The following PTPMT1 variants were observed in gnomAD, a reference collection of about 807,000 sequenced individuals.
The protein encoded by PTPMT1 is phosphatidylglycerophosphatase and protein-tyrosine phosphatase 1.
A neutral mutation model predicts 17.8 loss-of-function variants in PTPMT1; 12 were observed. That is an observed-to-expected ratio of 0.67 (90% CI 0.43 to 1.09). PTPMT1 has a LOEUF of 1.09. Among genes scored for constraint, PTPMT1 ranks in the 50% least tolerant of loss-of-function variants. PTPMT1 has a pLI of 0.00. For synonymous variants in PTPMT1, 132 were observed against 116.8 expected, an observed-to-expected ratio of 1.13 and a Z score of -0.84; for missense variants, 262 against 266.0, an observed-to-expected ratio of 0.99 and a Z score of 0.10.
At position 47,565,740 on chromosome 11, in the gene PTPMT1, C is replaced by T. The variant is rs780166644; in HGVS notation, c.118C>T (p.Arg40Cys). ...TCGGGCGCACCGGGACTGGTACCAC[C>T]GCATCGACCCCACCGTGCTGCTGGG... is the stretch of plus-strand genomic sequence containing the variant. Reference protein sequence around the residue: ...PGRAHRDWYHRIDPTVLLGAL... With the variant: ...PGRAHRDWYHCIDPTVLLGAL... Residue 40 changes from arginine to cysteine, a missense_variant, in exon 1 of 4, where the codon CGC becomes TGC. By Grantham distance (180) the Arg-to-Cys change is radical. Coordinates refer to ENST00000326674, the MANE Select transcript of PTPMT1 (RefSeq NM_175732.3). 1.3e-6 allele frequency: 2 copies of T among 1,592,158 alleles called. No individual in the cohort carries two copies. Among genetic ancestry groups the T allele is most frequent in the Non-Finnish European group, 1.7e-6 (2 of 1,171,302 alleles).
Position 47,569,860 on chromosome 11 carries a change from G to A in PTPMT1, c.416G>A (p.Ser139Asn). 5 of 1,613,546 alleles carry A rather than the reference G, an allele frequency of 3.1e-6. No individual in the cohort carries two copies. Among genetic ancestry groups the A allele is most frequent in the Non-Finnish European group, 4.2e-6 (5 of 1,179,984 alleles). Residue 139 changes from serine (S) to asparagine (N), a missense_variant, in exon 3 of 4, where the codon AGT becomes AAT. Transcript: ENST00000326674. ...CATTGTAAGGCTGGGCGCTCCAGGAGTGCCACTATGGTGGCAGCATACCTG... is the reference window on the plus strand; with the variant it reads ...CATTGTAAGGCTGGGCGCTCCAGGAATGCCACTATGGTGGCAGCATACCTG... ...YVHCKAGRSR[S>N]ATMVAAYLIQ... is the part of the protein sequence containing the mutation.
rs552501895 is a variant in PTPMT1 at position 47,565,792 on chromosome 11, G to T, written c.170G>T (p.Arg57Leu). Residue 57 changes from arginine to leucine, a missense_variant, in exon 1 of 4, where the codon CGC (arginine) becomes CTC (leucine). Coordinates refer to ENST00000326674, the MANE Select transcript of PTPMT1 (RefSeq NM_175732.3). ...GCGCTGCCGTTGCGGAGCTTGACGCGCCAGGTGAGCCGGGCCGGGGAGCCC... is the reference window on the plus strand; with the variant it reads ...GCGCTGCCGTTGCGGAGCTTGACGCTCCAGGTGAGCCGGGCCGGGGAGCCC... ...LGALPLRSLT[R>L]QLVQDENVRG... 2.5e-6 allele frequency: 4 copies of T among 1,588,756 alleles called. No homozygotes were observed. Among genetic ancestry groups the T allele is most frequent in the East Asian group, 2.3e-5 (1 of 43,130 alleles).
intron 3 of PTPMT1, among the ~76,000 whole-genome samples, chr11:47,570,972 G>GT (rs2097249304): frequency 6.6e-6 from 1 of 152,186 alleles, no homozygotes; most frequent in Non-Finnish European, 1.5e-5. Context: ...TTAGAAATCT[G>GT]TATTTTCTTG....
intron 2 of PTPMT1, 21 bp from the exon 3 acceptor site, chr11:47,569,679 T>C (rs2097248470): frequency 1.3e-6 from 2 of 1,567,730 alleles, no homozygotes; most frequent in African/African-American, 1.4e-5. Context: ...CTCTTTTTCA[T>C]ACTGGTGGAC....
chr11:47,573,293 T>C lies in PTPMT1; in HGVS notation c.*1664T>C, dbSNP rs143123317. On this transcript the variant is annotated 3_prime_UTR_variant, in exon 4 of 4. Coordinates refer to ENST00000326674, the MANE Select transcript of PTPMT1 (RefSeq NM_175732.3). This position sits in a 1 kb window ranked among gnomAD's most constrained non-coding sequence, Gnocchi z 4.1. ...TCTCTGTGTCAAAGCACTGGATGAG[T>C]CGGGAAGGTTTGGTAAAGAAGTCCA... 11 of 1,613,854 alleles carry C rather than the reference T, an allele frequency of 6.8e-6. No homozygotes were observed. The highest frequency in any genetic ancestry group is 9.3e-6 in the Non-Finnish European group (11 of 1,179,982).
chr11:47,571,498 G>C lies in PTPMT1; in HGVS notation c.475G>C (p.Val159Leu). 1 of 1,614,026 alleles carries C rather than the reference G, an allele frequency of 6.2e-7. No homozygotes were observed. The highest frequency in any genetic ancestry group is 8.5e-7 in the Non-Finnish European group (1 of 1,180,004). Residue 159 changes from valine to leucine, a missense_variant, in exon 4 of 4, where the codon GTA becomes CTA. Coordinates refer to ENST00000326674, the MANE Select transcript of PTPMT1 (RefSeq NM_175732.3). Reference sequence around the variant, plus strand: ...GCACAAATGGAGTCCAGAGGAGGCTGTAAGAGCCATCGCCAAGATCCGGTC... The same window carrying C: ...GCACAAATGGAGTCCAGAGGAGGCTCTAAGAGCCATCGCCAAGATCCGGTC... ...QVHKWSPEEA[V>L]RAIAKIRSYI...
chr11:47,567,731 TG>T (rs1196300652), intron 2 of PTPMT1, among the ~76,000 whole-genome samples: 1 of 150,840 alleles, frequency 6.6e-6, no homozygotes, highest in Non-Finnish European at 1.5e-5. Flanking sequence ...GGCTAATTTT[TG>T]TATTTTTTAT....
chr11:47,569,882 C>T lies in PTPMT1; in HGVS notation c.438C>T (p.Tyr146=). Residue 146 remains tyrosine (Y), a synonymous_variant, in exon 3 of 4, where the codon TAC becomes TAT. Coordinates refer to ENST00000326674, the MANE Select transcript of PTPMT1 (RefSeq NM_175732.3). ...RSRSATMVAA[Y]LIQVHKWSPE... ...GGAGTGCCACTATGGTGGCAGCATA[C>T]CTGATTCAGGTACCAAAGTTCTTTC... The T allele has an allele frequency of 6.2e-7, 1 of 1,611,770 alleles. No homozygotes were observed. The highest frequency in any genetic ancestry group is 8.5e-7 in the Non-Finnish European group (1 of 1,179,136).
At chr11:47,567,241 A>C (rs1028553116) in intron 2 of PTPMT1, among the ~76,000 whole-genome samples, 1 of 151,856 alleles carries the variant, frequency 6.6e-6, no homozygotes, top group Non-Finnish European at 1.5e-5. Flanking sequence ...GTCTGTACTA[A>C]AATCACACAA....
intron 2 of PTPMT1, among the ~76,000 whole-genome samples, chr11:47,568,955 T>C (rs2097247940): frequency 1.3e-5 from 2 of 150,976 alleles, no homozygotes; most frequent in South Asian, 4.2e-4. Flanking sequence ...CCTTGCAAAC[T>C]GTTGGGATTA....
At chr11:47,567,527 C>T (rs1742701344) in intron 2 of PTPMT1, among the ~76,000 whole-genome samples, 2 of 151,266 alleles carry the variant, frequency 1.3e-5, no homozygotes, top group Admixed American at 1.3e-4. Flanking sequence ...AAAGTTTGCC[C>T]AGTTGCCAGA....
rs1194844831 is a variant in PTPMT1, at chr11:47,572,928, C to G, written c.*1299C>G. Reference sequence around the variant, plus strand: ...AGCAGTTCTCCTCCCCTCCCCACAGCCTTAGGCCAACACAAACTGCAAATT... The same window carrying G: ...AGCAGTTCTCCTCCCCTCCCCACAGGCTTAGGCCAACACAAACTGCAAATT... On this transcript the variant is annotated 3_prime_UTR_variant, in exon 4 of 4. Transcript: ENST00000326674. The G allele has an allele frequency of 1.9e-6, 3 of 1,610,992 alleles. No homozygotes were observed. Among genetic ancestry groups the G allele is most frequent in the East Asian group, 2.2e-5 (1 of 44,866 alleles).
intron 2 of PTPMT1, among the ~76,000 whole-genome samples, chr11:47,568,841 C>T (rs2097247855): frequency 6.6e-6 from 1 of 152,044 alleles, no homozygotes; most frequent in African/African-American, 2.4e-5. Context: ...CAGGCATCCA[C>T]CACCACGCAT....
At chr11:47,570,317 G>T (rs1206394638) in intron 3 of PTPMT1, among the ~76,000 whole-genome samples, 4 of 152,174 alleles carry the variant, frequency 2.6e-5, no homozygotes, top group Non-Finnish European at 5.9e-5. Context: ...GTTGGGAGGT[G>T]GTTTGGTATG....
Position 47,565,805 on chromosome 11 carries a change from G to A in PTPMT1, c.174+9G>A. ...GGAGCTTGACGCGCCAGGTGAGCCG[G>A]GCCGGGGAGCCCGGGCCCCTGCCCC... On this transcript the variant is annotated intron_variant, in intron 1 of 3. Transcript: ENST00000326674. The A allele has an allele frequency of 1.3e-6, 2 of 1,586,946 alleles. No individual in the cohort carries two copies. Among genetic ancestry groups the A allele is most frequent in the Non-Finnish European group, 1.7e-6 (2 of 1,167,768 alleles).
chr11:47,568,216 G>C (rs962700804), intron 2 of PTPMT1, among the ~76,000 whole-genome samples: 3 of 152,050 alleles, frequency 2.0e-5, no homozygotes, highest in Admixed American at 6.6e-5. Flanking sequence ...CACCATGCCC[G>C]GCCCATTGTT....
At position 47,571,586 on chromosome 11, in the gene PTPMT1, C is replaced by A. The variant is rs1309620177; in HGVS notation, c.563C>A (p.Ala188Glu). The change falls in exon 4 of 4, where the codon GCA (alanine) becomes GAA (glutamate). Residue 188 changes from alanine (A) to glutamate (E), a missense_variant. Transcript: ENST00000326674. ...VLKEFHKQIT[A>E]RATKDGTFVI... ...AAAGAGTTCCACAAGCAGATTACTG[C>A]ACGGGCAACAAAGGATGGGACTTTT... 6.2e-7 allele frequency: 1 copy of A among 1,613,954 alleles called. No homozygotes were observed. The highest frequency in any genetic ancestry group is 2.2e-5 in the East Asian group (1 of 44,858).
intron 2 of PTPMT1, 94 bp downstream of exon 2, chr11:47,566,080 AC>A: frequency 7.3e-7 from 1 of 1,360,720 alleles, no homozygotes; most frequent in Non-Finnish European, 9.7e-7. Flanking sequence ...GGGGGAGGTC[AC>A]CATGCACCGG....
chr11:47,566,208 A>G (rs575286064), intron 2 of PTPMT1, among the ~76,000 whole-genome samples: 1 of 152,112 alleles, frequency 6.6e-6, no homozygotes, highest in Non-Finnish European at 1.5e-5. Flanking sequence ...GGGCGCGGGG[A>G]CTCACGCCTG....
Sources: allele counts gnomAD v4.1 joint callset (sites outside exome capture counted in the v4.1 genomes callset), GRCh38; gene constraint gnomAD v4.1.1; non-coding constraint Gnocchi (gnomAD v3.1); transcripts MANE v1.5; gene names NCBI Gene and HGNC (gene_info 2026-07-23, HGNC 2026-07-21).